ZNF283: variants seen among roughly 807,000 people sequenced by gnomAD.
The protein encoded by ZNF283 is zinc finger protein 283, also known as zinc finger protein 41.
In ZNF283, 10 loss-of-function variants were observed where a neutral mutation model predicts 9.2. That is an observed-to-expected ratio of 1.09 (90% CI 0.67 to 1.85). ZNF283 has a LOEUF of 1.85. ZNF283 is among the 40% of genes most tolerant of loss of function. ZNF283 has a pLI of 0.00. For synonymous variants in ZNF283, 234 were observed against 244.1 expected, an observed-to-expected ratio of 0.96 and a Z score of 0.38; for missense variants, 631 against 760.1, an observed-to-expected ratio of 0.83 and a Z score of 2.00.
chr19:43,835,738 C>G, intron 5 of ZNF283, 146 bp downstream of exon 5: 1 of 621,006 alleles, frequency 1.6e-6, no homozygotes, highest in South Asian at 2.0e-5. Context: ...TGGTCTCAAC[C>G]TCAGTTTATG....
chr19:43,835,682 T>C, intron 5 of ZNF283, 90 bp downstream of exon 5: 1 of 1,018,148 alleles, frequency 9.8e-7, no homozygotes, highest in Non-Finnish European at 1.5e-6. Flanking sequence ...ATAGAACTTC[T>C]CCATAGACCC....
At position 43,847,684 on chromosome 19, in the gene ZNF283, G is replaced by A. The variant is rs957569; in HGVS notation, c.1083G>A (p.Gln361=). 0.75 allele frequency: 1,207,505 copies of A among 1,613,390 alleles called. 458,487 individuals carry two copies. The highest frequency in any genetic ancestry group is 0.84 in the African/African-American group (62,580 of 74,880). ...ECGKAFSRGY[Q]LTQHQKIHTG... is the part of the protein sequence containing the mutation. ...GGAAGGCCTTCAGTCGTGGCTATCA[G>A]CTTACTCAGCATCAGAAAATCCATA... Residue 361 remains glutamine, a synonymous_variant, in exon 7 of 7, where the codon CAG becomes CAA. Coordinates refer to ENST00000618787, the MANE Select transcript of ZNF283 (RefSeq NM_181845.2).
At chr19:43,835,353 C>T (rs1392296236) in intron 4 of ZNF283, among the ~76,000 whole-genome samples, 152 bp from the exon 5 acceptor site, 7 of 152,144 alleles carry the variant, frequency 4.6e-5, no homozygotes, top group Admixed American at 1.3e-4. Flanking sequence ...TGCTGAAGAC[C>T]TTTGGGGTTT....
chr19:43,836,914 C>G, intron 5 of ZNF283, 139 bp from the exon 6 acceptor site: 2 of 881,870 alleles, frequency 2.3e-6, no homozygotes, highest in Non-Finnish European at 3.5e-6. Context: ...TTGCTTTTTC[C>G]TACCTATATC....
rs1414622714 is a variant in ZNF283 at position 43,847,265 on chromosome 19, C to T, written c.664C>T (p.Leu222Phe). ...CGKACSHGSK[L>F]VQHERTHTAE... ...GAAGGCTTGCAGTCATGGCTCAAAACTTGTTCAACATGAGAGAACTCATAC... is the reference window on the plus strand; with the variant it reads ...GAAGGCTTGCAGTCATGGCTCAAAATTTGTTCAACATGAGAGAACTCATAC... Residue 222 changes from leucine (L) to phenylalanine (F), a missense_variant, in exon 7 of 7, where the codon CTT becomes TTT. Transcript: ENST00000618787. 1 of 1,613,778 alleles carries T rather than the reference C, an allele frequency of 6.2e-7. No individual in the cohort carries two copies. Among genetic ancestry groups the T allele is most frequent in the African/African-American group, 1.3e-5 (1 of 74,914 alleles).
chr19:43,839,531 T>C (rs554492694), intron 6 of ZNF283, among the ~76,000 whole-genome samples: 33 of 152,298 alleles, frequency 2.2e-4, no homozygotes, highest in Middle Eastern at 3.4e-3. Flanking sequence ...TTTTTTTCTC[T>C]ACTTTTGTCT....
chr19:43,833,127 T>G (rs1315367773), intron 3 of ZNF283, among the ~76,000 whole-genome samples: 1 of 151,944 alleles, frequency 6.6e-6, no homozygotes, highest in Non-Finnish European at 1.5e-5. Flanking sequence ...TGGTAGACAC[T>G]GTTCTCACCC....
chr19:43,828,953 G>A lies in ZNF283; in HGVS notation c.-65+672G>A, dbSNP rs1182024960. Among the ~76,000 whole-genome samples, 3 of 152,214 alleles carry A rather than the reference G, an allele frequency of 2.0e-5. No individual in the cohort carries two copies. The East Asian group carries it at 5.8e-4, about 29-fold the overall frequency. On this transcript the variant is annotated intron_variant, in intron 2 of 6. Coordinates refer to ENST00000618787, the MANE Select transcript of ZNF283 (RefSeq NM_181845.2). ...GAAATATGATTGAGCTTTGAACATA[G>A]GGATTTGTAATTTGCACCAACAAGA...
In ZNF283 at chr19:43,847,355, G is replaced by A. The variant is rs1203034039; in HGVS notation, c.754G>A (p.Val252Met). Reference sequence around the variant, plus strand: ...TTATTTAAGTGCCTATCAACTCAATGTGCATCAGAGATTTCATACTGGTGA... The same window carrying A: ...TTATTTAAGTGCCTATCAACTCAATATGCATCAGAGATTTCATACTGGTGA... ...KNYLSAYQLN[V>M]HQRFHTGEKP... Residue 252 changes from valine (V) to methionine (M), a missense_variant, in exon 7 of 7, where the codon GTG (valine) becomes ATG (methionine). By Grantham distance (21) the Val-to-Met change is conservative. Transcript: ENST00000618787. The A allele has an allele frequency of 6.2e-7, 1 of 1,613,714 alleles. No homozygotes were observed. Among genetic ancestry groups the A allele is most frequent in the Non-Finnish European group, 8.5e-7 (1 of 1,179,928 alleles).
At position 43,847,340 on chromosome 19, in the gene ZNF283, G is replaced by T. The variant is rs1971441316; in HGVS notation, c.739G>T (p.Ala247Ser). The change falls in exon 7 of 7, where the codon GCC becomes TCC. Residue 247 changes from alanine (A) to serine (S), a missense_variant. Ala to Ser is a moderately conservative substitution (Grantham distance 99, BLOSUM62 1). This residue lies in a region of ZNF283 where 444 missense variants were observed against 522.5 expected (regional missense o/e 0.85). Coordinates refer to ENST00000618787, the MANE Select transcript of ZNF283 (RefSeq NM_181845.2). ...AGAATGTGGGAAGAATTATTTAAGT[G>T]CCTATCAACTCAATGTGCATCAGAG... Reference protein sequence around the residue: ...CKECGKNYLSAYQLNVHQRFH... With the variant: ...CKECGKNYLSSYQLNVHQRFH... The T allele has an allele frequency of 1.2e-6, 2 of 1,613,824 alleles. No homozygotes were observed. Among genetic ancestry groups the T allele is most frequent in the South Asian group, 2.2e-5 (2 of 91,074 alleles).
intron 2 of ZNF283, among the ~76,000 whole-genome samples, chr19:43,830,801 G>A (rs1970672802): frequency 6.6e-6 from 1 of 150,502 alleles, no homozygotes; most frequent in African/African-American, 2.4e-5. Flanking sequence ...TATTCAATAG[G>A]CTGAGGCAGG....
intron 4 of ZNF283, 133 bp from the exon 5 acceptor site, chr19:43,835,372 G>C: frequency 1.6e-6 from 1 of 626,904 alleles, no homozygotes; most frequent in Non-Finnish European, 2.9e-6. Context: ...TTAGGTGAAA[G>C]TTTGAATTCC....
chr19:43,828,736 A>G (rs922537853), intron 2 of ZNF283, among the ~76,000 whole-genome samples: 3 of 150,374 alleles, frequency 2.0e-5, no homozygotes, highest in Middle Eastern at 3.4e-3. Flanking sequence ...GCTCAGTGCA[A>G]CCTTGAAGTC....
chr19:43,835,564 G>A lies in ZNF283; in HGVS notation c.182G>A (p.Ser61Asn). Reference sequence around the variant, plus strand: ...GAGGAATCCCATGGAGCATTAATTAGTTCTTGCAATTCCAGAACCATGACT... The same window carrying A: ...GAGGAATCCCATGGAGCATTAATTAATTCTTGCAATTCCAGAACCATGACT... ...PIEESHGALI[S>N]SCNSRTMTDG... Residue 61 changes from serine to asparagine, a missense_variant, in exon 5 of 7, where the codon AGT becomes AAT. Around this residue, in one of 3 missense-constraint regions of ZNF283, gnomAD observed 184 missense variants for 220.0 expected, o/e 0.84. Transcript: ENST00000618787. The A allele has an allele frequency of 6.2e-7, 1 of 1,610,150 alleles. No homozygotes were observed. Among genetic ancestry groups the A allele is most frequent in the Non-Finnish European group, 8.5e-7 (1 of 1,178,028 alleles).
intron 6 of ZNF283, chr19:43,840,689 CTCTT>C (rs918028401): frequency 1.3e-4 from 16 of 126,512 alleles, no homozygotes; most frequent in East Asian, 8.1e-4. Flanking sequence ...ATCTCTCTCT[CTCTT>C]TTTTTTTTTT....
chr19:43,849,090 C>T lies in ZNF283; in HGVS notation c.*449C>T, dbSNP rs7258485. On this transcript the variant is annotated 3_prime_UTR_variant, in exon 7 of 7. Transcript: ENST00000618787. ...AGGAATTTGGGAAGGCTTATAGACA[C>T]AGTAAATATCTTAGAGTACATCAGA... The T allele has an allele frequency of 0.75, 114,836 of 153,762 alleles. 43,828 individuals carry two copies. Among genetic ancestry groups the T allele is most frequent in the African/African-American group, 0.83 (34,542 of 41,514 alleles). The allele number at this position is 153,762 out of a possible 1,614,324, so 9.5% of individuals were successfully genotyped here. A position where few individuals can be genotyped will look rare whatever the true frequency, so the allele number is the denominator to read the frequency against.
intron 2 of ZNF283, among the ~76,000 whole-genome samples, chr19:43,830,901 T>TA (rs367850643): frequency 0.13 from 9,501 of 73,448 alleles, 851 homozygotes; most frequent in Non-Finnish European, 0.15. Context: ...AGACTCCATC[T>TA]AAAAAAAAAA....
chr19:43,828,799 G>A (rs752825576), intron 2 of ZNF283, among the ~76,000 whole-genome samples: 6 of 152,170 alleles, frequency 3.9e-5, no homozygotes, highest in Non-Finnish European at 7.3e-5. Context: ...GGGACTGCAG[G>A]TGTGAGCCAC....
At chr19:43,833,029 GAAAA>G (rs368640688) in intron 3 of ZNF283, among the ~76,000 whole-genome samples, 4 of 76,472 alleles carry the variant, frequency 5.2e-5, no homozygotes, top group Admixed American at 1.6e-4. Context: ...CCCTGTCTCT[GAAAA>G]AAAAAAAAAA....
Sources: gnomAD v4.1 joint callset for allele counts (sites outside exome capture counted in the v4.1 genomes callset) on GRCh38, gnomAD v4.1.1 for gene constraint, gnomAD v4.1.1 regional missense constraint, MANE v1.5 for transcripts, NCBI Gene and HGNC (gene_info 2026-07-23, HGNC 2026-07-21) for gene names.